HRH1: variants seen among roughly 807,000 people sequenced by gnomAD.
The protein encoded by HRH1 is histamine receptor H1, also known as histamine H1 receptor.
In HRH1, 6 loss-of-function variants were observed where a neutral mutation model predicts 10.3. The observed-to-expected ratio is 0.58, with a 90% CI of 0.32 to 1.15. The LOEUF is 1.15. Ranked by LOEUF, HRH1 falls within the 50% of genes most tolerant of loss-of-function variation. The pLI is 0.05. For missense variants in HRH1, 514 were observed against 615.3 expected, an observed-to-expected ratio of 0.84 and a Z score of 1.74; for synonymous variants, 242 against 236.7, an observed-to-expected ratio of 1.02 and a Z score of -0.21.
chr3:11,258,842 G>T (rs897564113), intron 1 of HRH1, among the ~76,000 whole-genome samples, 161 bp from the exon 2 acceptor site: 1 of 152,178 alleles, frequency 6.6e-6, no homozygotes, highest in Non-Finnish European at 1.5e-5. Flanking sequence ...GTGAGCAAAT[G>T]AATGCATGAA....
chr3:11,240,238 G>A (rs758277405), intron 1 of HRH1, among the ~76,000 whole-genome samples: 15 of 151,978 alleles, frequency 9.9e-5, no homozygotes, highest in Admixed American at 2.0e-4. Flanking sequence ...CCAGCTTGAG[G>A]TTTCTACCTG....
chr3:11,252,040 G>A (rs1441371218), intron 1 of HRH1, among the ~76,000 whole-genome samples: 1 of 152,198 alleles, frequency 6.6e-6, no homozygotes, highest in African/African-American at 2.4e-5. Flanking sequence ...TGCTTAGGGA[G>A]GGTAAAGCTA....
chr3:11,262,489 C>T lies in HRH1; in HGVS notation c.*1988C>T, dbSNP rs183222491. 7.5e-4 allele frequency: 126 copies of T among 167,216 alleles called. No individual in the cohort carries two copies. The highest frequency in any genetic ancestry group is 2.9e-3 in the African/African-American group (120 of 41,578). 10.4% of individuals were successfully genotyped at this position (167,216 alleles called of 1,614,324 possible). On this transcript the variant is annotated 3_prime_UTR_variant, in exon 2 of 2. Coordinates refer to ENST00000431010, the MANE Select transcript of HRH1 (RefSeq NM_001098212.2). ...CTCACTCTGCTTTGCATCCCCCAAACTTCTTGTTCAAAACGGGGGGAGTTT... is the reference window on the plus strand; with the variant it reads ...CTCACTCTGCTTTGCATCCCCCAAATTTCTTGTTCAAAACGGGGGGAGTTT...
At chr3:11,221,556 A>C (rs1041992437) in intron 1 of HRH1, among the ~76,000 whole-genome samples, 13 of 144,214 alleles carry the variant, frequency 9.0e-5, no homozygotes, top group African/African-American at 3.3e-4. Flanking sequence ...CTCCATCTCA[A>C]AAAAAAAAAA....
chr3:11,194,253 G>C (rs142751472), intron 1 of HRH1, among the ~76,000 whole-genome samples: 8 of 152,314 alleles, frequency 5.3e-5, no homozygotes, highest in Non-Finnish European at 1.2e-4. Flanking sequence ...AAAGCAAACA[G>C]ACCTAGGGCA....
chr3:11,137,825 GTGAGGCCAC>G (rs890391926), intron 1 of HRH1, among the ~76,000 whole-genome samples: 18 of 152,124 alleles, frequency 1.2e-4, no homozygotes, highest in African/African-American at 4.3e-4. Flanking sequence ...GTCCTCTTGA[GTGAGGCCAC>G]TGATACACTT....
intron 1 of HRH1, among the ~76,000 whole-genome samples, chr3:11,144,976 C>T (rs887666632): frequency 1.3e-5 from 2 of 152,148 alleles, no homozygotes; most frequent in South Asian, 2.1e-4. Context: ...GTTTCCTTAA[C>T]GATTTCCTCT....
chr3:11,182,888 C>T (rs891294632), intron 1 of HRH1, among the ~76,000 whole-genome samples: 3 of 152,188 alleles, frequency 2.0e-5, no homozygotes, highest in South Asian at 2.1e-4. Context: ...GGCCCAGTGC[C>T]TGTCCTCTCT....
At chr3:11,241,287 C>T (rs952712469) in intron 1 of HRH1, among the ~76,000 whole-genome samples, 24 of 143,062 alleles carry the variant, frequency 1.7e-4, no homozygotes, top group African/African-American at 4.7e-4. Context: ...AAACCACGTA[C>T]GTCTTCTATA....
Position 11,260,739 on chromosome 3 carries a change from T to C in HRH1, c.*238T>C. The C allele has an allele frequency of 2.1e-6, 1 of 472,090 alleles. No homozygotes were observed. Among genetic ancestry groups the C allele is most frequent in the South Asian group, 5.7e-5 (1 of 17,652 alleles). 29.2% of individuals were successfully genotyped at this position (472,090 alleles called of 1,614,324 possible). A position where few individuals can be genotyped will look rare whatever the true frequency, so the allele number is the denominator to read the frequency against. ...AGAATCTTTGCAAGAAAGTCAGACCTGTTTCTTGTAACTGGGTTCAAAAAG... is the reference window on the plus strand; with the variant it reads ...AGAATCTTTGCAAGAAAGTCAGACCCGTTTCTTGTAACTGGGTTCAAAAAG... On this transcript the variant is annotated 3_prime_UTR_variant, in exon 2 of 2. Transcript: ENST00000431010.
At chr3:11,165,549 G>A (rs1324930067) in intron 1 of HRH1, among the ~76,000 whole-genome samples, 5 of 152,086 alleles carry the variant, frequency 3.3e-5, no homozygotes, top group African/African-American at 7.2e-5. Flanking sequence ...TCTGTAGATC[G>A]AAGCACAAAC....
rs755029776 is a variant in HRH1, at chr3:11,148,810, CTTTTTTTT to C, written c.-36+11429_-36+11436del. Among the ~76,000 whole-genome samples the C allele has an allele frequency of 2.0e-4, 17 of 84,444 alleles. 1 individual carries two copies. The highest frequency in any genetic ancestry group is 7.0e-4 in the African/African-American group (15 of 21,518). 55.4% of individuals were successfully genotyped at this position (84,444 alleles called of 152,430 possible). On this transcript the variant is annotated intron_variant, in intron 1 of 1. Transcript: ENST00000438284. The stretch of plus-strand genomic sequence containing the variant: ...TAGTTATTAAGAGACAAACCACAGT[CTTTTTTTT>C]TTTTTTTTTTTTTTTTTGCTACACC...
At chr3:11,149,155 G>A (rs1936539807) in intron 1 of HRH1, among the ~76,000 whole-genome samples, 1 of 152,126 alleles carries the variant, frequency 6.6e-6, no homozygotes, top group Non-Finnish European at 1.5e-5. Context: ...TTGTAACACA[G>A]GTATAAATGG....
At chr3:11,198,958 C>G (rs568613717) in intron 1 of HRH1, among the ~76,000 whole-genome samples, 17 of 151,528 alleles carry the variant, frequency 1.1e-4, no homozygotes, top group Admixed American at 9.2e-4. Flanking sequence ...GAGTCTCACT[C>G]CATCAGTCAG....
intron 1 of HRH1, among the ~76,000 whole-genome samples, chr3:11,182,742 T>C (rs990695873): frequency 6.6e-6 from 1 of 152,148 alleles, no homozygotes; most frequent in Non-Finnish European, 1.5e-5. Flanking sequence ...CCGTATCCTG[T>C]TCAGTCCTCC....
intron 1 of HRH1, among the ~76,000 whole-genome samples, chr3:11,198,107 G>C (rs778210352): frequency 5.9e-5 from 9 of 152,126 alleles, no homozygotes; most frequent in Admixed American, 2.0e-4. Context: ...CTTTAGCATG[G>C]GGGTAGTGGA....
At chr3:11,164,639 A>G (rs1249523304) in intron 1 of HRH1, among the ~76,000 whole-genome samples, 1 of 152,182 alleles carries the variant, frequency 6.6e-6, no homozygotes, top group East Asian at 1.9e-4. Flanking sequence ...GTGCATTCTG[A>G]TAACTGGATA....
intron 1 of HRH1, among the ~76,000 whole-genome samples, chr3:11,255,810 C>T (rs973829957): frequency 6.6e-6 from 1 of 152,232 alleles, no homozygotes; most frequent in African/African-American, 2.4e-5. Context: ...GCATTTATCT[C>T]AGTGAGCAGA....
At chr3:11,181,517 CATT>C (rs1937352492) in intron 1 of HRH1, among the ~76,000 whole-genome samples, 4 of 151,302 alleles carry the variant, frequency 2.6e-5, no homozygotes, top group African/African-American at 9.8e-5. Flanking sequence ...AGTACTATCT[CATT>C]GTGGTTTTGA....
Sources: gnomAD v4.1 joint callset for allele counts (sites outside exome capture counted in the v4.1 genomes callset) on GRCh38, gnomAD v4.1.1 for gene constraint, MANE v1.5 for transcripts, NCBI Gene and HGNC (gene_info 2026-07-23, HGNC 2026-07-21) for gene names.